The following DLG2 variants were observed in gnomAD, a reference collection of about 807,000 sequenced individuals.
The protein encoded by DLG2 is disks large homolog 2.
In DLG2, 45 loss-of-function variants were observed where a neutral mutation model predicts 132.5. That is an observed-to-expected ratio of 0.34 (90% CI 0.27 to 0.44). DLG2 has a LOEUF of 0.44. Ranked by LOEUF, DLG2 falls within the 20% of genes least tolerant of loss-of-function variation. DLG2 has a pLI of 1.00. For missense variants in DLG2, 1,045 were observed against 1,196.9 expected (o/e 0.87, Z 1.87); for synonymous variants, 424 against 419.6 (o/e 1.01, Z -0.13).
chr11:84,398,291 G>C (rs1365891233), intron 7 of DLG2, among the ~76,000 whole-genome samples: 1 of 152,124 alleles, frequency 6.6e-6, no homozygotes, highest in Non-Finnish European at 1.5e-5. Flanking sequence ...CAGCATCAGA[G>C]GTAGTGCAAG....
At chr11:84,536,934 G>A (rs2099356904) in intron 6 of DLG2, among the ~76,000 whole-genome samples, 1 of 152,146 alleles carries the variant, frequency 6.6e-6, no homozygotes, top group Non-Finnish European at 1.5e-5. Flanking sequence ...CTGTGGGGTT[G>A]CCCGTTTCCC....
At chr11:84,632,886 T>G (rs1040312299) in intron 6 of DLG2, among the ~76,000 whole-genome samples, 14 of 152,172 alleles carry the variant, frequency 9.2e-5, no homozygotes, top group Non-Finnish European at 7.4e-5. Context: ...CTTTGGGTAA[T>G]AAGGGTCTTT....
At chr11:85,035,615 G>A (rs1433612511) in intron 6 of DLG2, among the ~76,000 whole-genome samples, 2 of 152,072 alleles carry the variant, frequency 1.3e-5, no homozygotes, top group African/African-American at 2.4e-5. Flanking sequence ...GGGTATTACG[G>A]TTCACAATGA....
At chr11:84,481,949 G>A (rs544816181) in intron 7 of DLG2, among the ~76,000 whole-genome samples, 135 of 152,254 alleles carry the variant, frequency 8.9e-4, no homozygotes, top group African/African-American at 3.2e-3. Flanking sequence ...AGTTTTATGT[G>A]CATATTCAGC....
intron 3 of DLG2, among the ~76,000 whole-genome samples, chr11:85,501,722 C>G (rs2093808640): frequency 6.6e-6 from 1 of 151,830 alleles, no homozygotes; most frequent in South Asian, 2.1e-4. Context: ...CAATTAGATA[C>G]CATCTCACAC....
At chr11:84,051,621 T>C (rs976697925) in intron 11 of DLG2, among the ~76,000 whole-genome samples, 2 of 93,416 alleles carry the variant, frequency 2.1e-5, no homozygotes, top group Non-Finnish European at 4.1e-5. Context: ...CCGGGGCCTG[T>C]TGTGGGGTGG....
chr11:83,944,935 T>G (rs911734001), intron 14 of DLG2, among the ~76,000 whole-genome samples: 1 of 152,202 alleles, frequency 6.6e-6, no homozygotes, highest in Non-Finnish European at 1.5e-5. Context: ...ATAAAATCTA[T>G]GTGATTTGCC....
intron 6 of DLG2, among the ~76,000 whole-genome samples, chr11:84,576,541 C>T (rs2099500549): frequency 6.6e-6 from 1 of 152,112 alleles, no homozygotes; most frequent in African/African-American, 2.4e-5. Context: ...TCTAGGTAAG[C>T]ACCAAGCTCA....
At chr11:84,220,206 A>T (rs2096894294) in intron 8 of DLG2, among the ~76,000 whole-genome samples, 1 of 152,192 alleles carries the variant, frequency 6.6e-6, no homozygotes, top group Admixed American at 6.5e-5. Flanking sequence ...TCATCACTTC[A>T]TAACTTGAAC....
chr11:84,893,973 A>C lies in DLG2; in HGVS notation c.357+217688T>G, dbSNP rs572778031. Among the ~76,000 whole-genome samples the C allele has an allele frequency of 1.3e-4, 20 of 152,302 alleles. No individual in the cohort carries two copies. In the South Asian group the frequency reaches 3.7e-3, roughly 28 times the overall value. On this transcript the variant is annotated intron_variant, in intron 6 of 27. Coordinates refer to ENST00000376104, the MANE Select transcript of DLG2 (RefSeq NM_001142699.3). Reference sequence around the variant, plus strand: ...ATAAATTATATACATAAGAAATTTAAGAATAATCTCAGAAGTGTTCAGAAT... The same window carrying C: ...ATAAATTATATACATAAGAAATTTACGAATAATCTCAGAAGTGTTCAGAAT...
chr11:83,541,821 G>A lies in DLG2; in HGVS notation c.1978C>T (p.Leu660=). The change falls in exon 20 of 28, where the codon CTG becomes TTG. Residue 660 remains leucine, a synonymous_variant. Transcript: ENST00000376104. The part of the protein sequence containing the change: ...FDYDKSKDSG[L]PSQGLSFKYG... ...TTAAAACTAAGTCCTTGACTTGGCA[G>A]CCCACTGTCCTTGCTCTTGTCGTAG... The A allele has an allele frequency of 1.2e-6, 2 of 1,612,346 alleles. No homozygotes were observed. The highest frequency in any genetic ancestry group is 1.7e-6 in the Non-Finnish European group (2 of 1,179,036).
intron 3 of DLG2, among the ~76,000 whole-genome samples, chr11:85,572,027 A>G (rs1301108097): frequency 6.6e-6 from 1 of 152,206 alleles, no homozygotes; most frequent in African/African-American, 2.4e-5. Flanking sequence ...TTTAATCCAT[A>G]AAACTCACTG....
chr11:84,608,668 T>A (rs2099590013), intron 6 of DLG2, among the ~76,000 whole-genome samples: 1 of 152,150 alleles, frequency 6.6e-6, no homozygotes, highest in African/African-American at 2.4e-5. Context: ...CCATAGTGAG[T>A]AGGGCCACTT....
rs554661497 is a variant in DLG2, at chr11:84,249,148, G to A, written c.573+2090C>T. On this transcript the variant is annotated intron_variant, in intron 8 of 27. Coordinates refer to ENST00000376104, the MANE Select transcript of DLG2 (RefSeq NM_001142699.3). Reference sequence around the variant, plus strand: ...AATTTAGATCCACCACAAGAAAGTGGTCTTACTTACAAAATCAGCTCTCTG... The same window carrying A: ...AATTTAGATCCACCACAAGAAAGTGATCTTACTTACAAAATCAGCTCTCTG... Among the ~76,000 whole-genome samples, 46 of 152,292 alleles carry A rather than the reference G, an allele frequency of 3.0e-4. No individual in the cohort carries two copies. In the South Asian group the frequency reaches 4.4e-3, roughly 14 times the overall value.
chr11:84,023,401 T>C (rs997333976), intron 11 of DLG2, among the ~76,000 whole-genome samples: 5 of 152,216 alleles, frequency 3.3e-5, no homozygotes, highest in Non-Finnish European at 7.4e-5. Flanking sequence ...ATGTTGTTTC[T>C]ATTATCTCTA....
intron 5 of DLG2, among the ~76,000 whole-genome samples, chr11:85,114,806 AC>A (rs2073314729): frequency 6.6e-6 from 1 of 151,714 alleles, no homozygotes; most frequent in Non-Finnish European, 1.5e-5. Context: ...TTCTCAAACA[AC>A]CCCATCCCTC....
intron 6 of DLG2, among the ~76,000 whole-genome samples, chr11:84,933,854 T>G (rs1204459400): frequency 2.6e-5 from 4 of 152,202 alleles, no homozygotes; most frequent in Admixed American, 2.6e-4. Context: ...GCACTTTATT[T>G]CCTTCTCTTT....
intron 7 of DLG2, among the ~76,000 whole-genome samples, chr11:84,356,029 G>A (rs2154416866): frequency 6.6e-6 from 1 of 152,238 alleles, no homozygotes; most frequent in Middle Eastern, 3.4e-3. Flanking sequence ...AGGGAGCACT[G>A]AGAACCTGAA....
At chr11:83,877,877 T>C (rs2065166636) in intron 15 of DLG2, among the ~76,000 whole-genome samples, 2 of 152,226 alleles carry the variant, frequency 1.3e-5, no homozygotes. Flanking sequence ...TGACTACAAC[T>C]GGTATTTTAA....
Sources: gnomAD v4.1 joint callset for allele counts (sites outside exome capture counted in the v4.1 genomes callset) on GRCh38, gnomAD v4.1.1 for gene constraint, MANE v1.5 for transcripts, NCBI Gene and HGNC (gene_info 2026-07-23, HGNC 2026-07-21) for gene names.